GOLM2: variants seen among roughly 807,000 people sequenced by gnomAD.
The protein encoded by GOLM2 is golgi membrane protein 2.
A neutral mutation model predicts 55.9 loss-of-function variants in GOLM2; 26 were observed. The ratio of observed to expected loss-of-function variants is 0.47; its 90% confidence interval spans 0.34 to 0.65. The LOEUF (loss-of-function observed/expected upper bound fraction) is 0.65. Ranked by LOEUF, GOLM2 falls within the 30% of genes least tolerant of loss-of-function variation. GOLM2 has a pLI of 0.01. For synonymous variants in GOLM2, 165 were observed against 194.6 expected (o/e 0.85, Z 1.27); for missense variants, 486 against 531.8 (o/e 0.91, Z 0.85).
chr15:44,338,375 C>A, intron 6 of GOLM2, 58 bp downstream of exon 6: 1 of 1,294,628 alleles, frequency 7.7e-7, no homozygotes, highest in Non-Finnish European at 1.1e-6. Flanking sequence ...TTCATGTGAC[C>A]CCATTCTCTT....
rs143586359 is a variant in GOLM2 at position 44,351,536 on chromosome 15, C to T, written c.802+13219C>T. Reference sequence around the variant, plus strand: ...AGCTTGCAGTGAGCTGAGATTGCGCCGCTACACTCCAGCCTGGGCAACAAA... The same window carrying T: ...AGCTTGCAGTGAGCTGAGATTGCGCTGCTACACTCCAGCCTGGGCAACAAA... On this transcript the variant is annotated intron_variant, in intron 6 of 9. Transcript: ENST00000299957. Among the ~76,000 whole-genome samples the T allele has an allele frequency of 5.1e-3, 737 of 145,028 alleles. 4 individuals carry two copies. The highest frequency in any genetic ancestry group is 0.018 in the African/African-American group (698 of 39,182).
Position 44,380,833 on chromosome 15 carries a change from C to T in GOLM2, c.929C>T (p.Pro310Leu). The T allele has an allele frequency of 6.4e-7, 1 of 1,573,284 alleles. No individual in the cohort carries two copies. The highest frequency in any genetic ancestry group is 8.6e-7 in the Non-Finnish European group (1 of 1,159,798). ...PDSHINHNGN[P>L]GTSKQNPSSP... ...TCACACATAAACCACAATGGAAACC[C>T]CGGTACTTCAAAACAGAATCCTTCC... Residue 310 changes from proline to leucine, a missense_variant, in exon 8 of 10, where the codon CCC becomes CTC. By Grantham distance (98) the Pro-to-Leu change is moderately conservative (BLOSUM62 -3). Transcript: ENST00000299957.
chr15:44,320,799 A>G (rs986364175), intron 1 of GOLM2, among the ~76,000 whole-genome samples: 3 of 152,316 alleles, frequency 2.0e-5, no homozygotes, highest in South Asian at 2.1e-4. Context: ...GGACTGAAAG[A>G]TACTCCATGG....
chr15:44,356,031 A>G (rs2079196084), intron 6 of GOLM2, among the ~76,000 whole-genome samples: 1 of 152,236 alleles, frequency 6.6e-6, no homozygotes, highest in South Asian at 2.1e-4. Flanking sequence ...TTTTGAACTA[A>G]ATGAAAATGA....
At chr15:44,321,438 A>T (rs2078948062) in intron 1 of GOLM2, among the ~76,000 whole-genome samples, 1 of 124,966 alleles carries the variant, frequency 8.0e-6, no homozygotes, top group African/African-American at 3.0e-5. Flanking sequence ...ACTGCACTCC[A>T]GCCTGGTCTG....
rs113439110 is a variant in GOLM2 at position 44,369,194 on chromosome 15, A to G, written c.803-10496A>G. Among the ~76,000 whole-genome samples the G allele has an allele frequency of 6.8e-4, 76 of 111,268 alleles. 1 individual carries two copies. The highest frequency in any genetic ancestry group is 2.9e-3 in the African/African-American group (61 of 20,992). The allele number at this position is 111,268 out of a possible 152,430, so 73.0% of individuals were successfully genotyped here. On this transcript the variant is annotated intron_variant, in intron 6 of 9. Transcript: ENST00000299957. ...TATATCATTTTAGATATGTGTGTGT[A>G]TATATATATATATGTGTGTGTGTGT...
intron 6 of GOLM2, among the ~76,000 whole-genome samples, chr15:44,344,182 C>T (rs941050464): frequency 3.3e-5 from 5 of 151,426 alleles, no homozygotes; most frequent in African/African-American, 4.9e-5. Flanking sequence ...ACTGCTTGAG[C>T]CCAGGAGGCG....
chr15:44,322,218 A>T (rs1435486644), intron 1 of GOLM2, among the ~76,000 whole-genome samples: 1 of 152,128 alleles, frequency 6.6e-6, no homozygotes, highest in Non-Finnish European at 1.5e-5. Flanking sequence ...AAATACAAAG[A>T]TTAGCTGGGT....
intron 8 of GOLM2, among the ~76,000 whole-genome samples, chr15:44,401,601 G>C (rs1049426000): frequency 1.3e-5 from 2 of 152,078 alleles, no homozygotes; most frequent in Non-Finnish European, 2.9e-5. Context: ...ACCTATCACA[G>C]AAAGTTGTTA....
chr15:44,397,491 A>C (rs1359876701), intron 8 of GOLM2, among the ~76,000 whole-genome samples: 4 of 148,784 alleles, frequency 2.7e-5, no homozygotes, highest in East Asian at 1.9e-4. Context: ...AAAAAAAAAA[A>C]AAAAAAAAAA....
chr15:44,411,012 A>C (rs1224357819), intron 9 of GOLM2, among the ~76,000 whole-genome samples: 2 of 112,524 alleles, frequency 1.8e-5, no homozygotes, highest in Non-Finnish European at 3.8e-5. Flanking sequence ...GGTTTGTTTG[A>C]CTTTTTTTTT....
intron 1 of GOLM2, among the ~76,000 whole-genome samples, chr15:44,304,533 C>T (rs189249960): frequency 5.3e-5 from 8 of 152,070 alleles, no homozygotes; most frequent in African/African-American, 1.7e-4. Context: ...TAAGCCATCG[C>T]TCCCAGCCCT....
chr15:44,292,068 A>G (rs1157969093), intron 1 of GOLM2, among the ~76,000 whole-genome samples: 1 of 151,972 alleles, frequency 6.6e-6, no homozygotes, highest in Non-Finnish European at 1.5e-5. Flanking sequence ...TTTGGGAAAT[A>G]TTGCCCTGGG....
chr15:44,317,414 G>A (rs1373456262), intron 1 of GOLM2, among the ~76,000 whole-genome samples: 1 of 152,136 alleles, frequency 6.6e-6, no homozygotes, highest in Admixed American at 6.6e-5. Context: ...CCAAAGTGTT[G>A]AAAATGAATA....
At chr15:44,382,317 AT>A (rs1322441588) in intron 8 of GOLM2, 2 of 151,076 alleles carry the variant, frequency 1.3e-5, no homozygotes, top group African/African-American at 2.4e-5. Flanking sequence ...TTTTTTTTAA[AT>A]TTTTTTTGAG....
intron 3 of GOLM2, among the ~76,000 whole-genome samples, chr15:44,331,179 T>C (rs922035320): frequency 2.6e-5 from 4 of 152,076 alleles, no homozygotes; most frequent in African/African-American, 9.7e-5. Context: ...CATGCCTGGC[T>C]ATATTTTTTG....
chr15:44,404,281 C>G (rs565369974), intron 9 of GOLM2, among the ~76,000 whole-genome samples: 29 of 151,922 alleles, frequency 1.9e-4, no homozygotes, highest in African/African-American at 6.8e-4. Context: ...TTTTATAAAA[C>G]CCAGAAGAAA....
At chr15:44,400,574 CTTTTTT>C (rs59386038) in intron 8 of GOLM2, among the ~76,000 whole-genome samples, 4 of 111,022 alleles carry the variant, frequency 3.6e-5, no homozygotes, top group African/African-American at 4.0e-5. Flanking sequence ...GCCTTGCCGC[CTTTTTT>C]TTTTTTTTTT....
chr15:44,340,918 A>C (rs1189269347), intron 6 of GOLM2, among the ~76,000 whole-genome samples: 1 of 152,174 alleles, frequency 6.6e-6, no homozygotes, highest in African/African-American at 2.4e-5. Context: ...TCAAGGACAT[A>C]CTGCTGGTTT....
Sources: gnomAD v4.1 joint callset for allele counts (sites outside exome capture counted in the v4.1 genomes callset) on GRCh38, gnomAD v4.1.1 for gene constraint, MANE v1.5 for transcripts, NCBI Gene and HGNC (gene_info 2026-07-23, HGNC 2026-07-21) for gene names.